Variants in DOCK6 observed in about 807,000 individuals in gnomAD.
DOCK6 encodes the protein dedicator of cytokinesis 6, also known as dedicator of cytokinesis protein 6.
Under a neutral mutation model 230.3 loss-of-function variants are expected in DOCK6, and 167 were observed. The observed-to-expected ratio is 0.73, with a 90% CI of 0.64 to 0.82. The LOEUF (loss-of-function observed/expected upper bound fraction) is 0.82. DOCK6 is among the 40% of genes least tolerant of loss of function. The probability of loss-of-function intolerance (pLI) is 0.00; values close to 1 mark genes in which losing one functional copy is unlikely to be tolerated. For missense variants in DOCK6, 2,598 were observed against 2,825.8 expected (o/e 0.92, Z 1.83); for synonymous variants, 1,148 against 1,185.0 (o/e 0.97, Z 0.64).
intron 37 of DOCK6, among the ~76,000 whole-genome samples, 182 bp downstream of exon 37, chr19:11,211,594 C>A (rs2079386526): frequency 3.3e-5 from 1 of 30,492 alleles, no homozygotes. Flanking sequence ...GCTGTCTGCT[C>A]ACCTGTCCCC....
At position 11,243,509 on chromosome 19, in the gene DOCK6, G is replaced by T; in HGVS notation, c.1258+48C>A. ...CCGTAGCCCCGCCCCAGGCCTGTCAGCACCACCCTTTAGCCCCGCCCCAAG... is the reference window on the plus strand; with the variant it reads ...CCGTAGCCCCGCCCCAGGCCTGTCATCACCACCCTTTAGCCCCGCCCCAAG... On this transcript the variant is annotated intron_variant, in intron 11 of 47. Coordinates refer to ENST00000294618, the MANE Select transcript of DOCK6 (RefSeq NM_020812.4). The surrounding 1 kb of genome is among the most constrained non-coding windows in gnomAD (Gnocchi z 6.3). 6.4e-7 allele frequency: 1 copy of T among 1,555,158 alleles called. No individual in the cohort carries two copies. The highest frequency in any genetic ancestry group is 8.7e-7 in the Non-Finnish European group (1 of 1,151,550).
chr19:11,201,906 C>T lies in DOCK6; in HGVS notation c.5671G>A (p.Val1891Met). The T allele has an allele frequency of 6.3e-7, 1 of 1,576,560 alleles. No homozygotes were observed. Among genetic ancestry groups the T allele is most frequent in the Non-Finnish European group, 8.6e-7 (1 of 1,161,374 alleles). ...AFPYIKTRIRVCHREETVLTP... is the reference protein window; with the variant it reads ...AFPYIKTRIRMCHREETVLTP... ...CCACCCACCTCCTCCCGGTGGCACA[C>T]ACGGATGCGAGTCTTGATGTAGGGG... Residue 1891 changes from valine to methionine, a missense_variant, in exon 44 of 48, where the codon GTG becomes ATG. Coordinates refer to ENST00000294618, the MANE Select transcript of DOCK6 (RefSeq NM_020812.4). The surrounding 1 kb of genome is among the most constrained non-coding windows in gnomAD (Gnocchi z 4.3).
At chr19:11,207,094 A>C (rs56034303) in intron 39 of DOCK6, among the ~76,000 whole-genome samples, 1 of 151,894 alleles carries the variant, frequency 6.6e-6, no homozygotes, top group South Asian at 2.1e-4. Context: ...TGGCTTCCCA[A>C]AGTGCTGGGA....
At chr19:11,231,675 C>A (rs1383063704) in intron 22 of DOCK6, among the ~76,000 whole-genome samples, 1 of 152,200 alleles carries the variant, frequency 6.6e-6, no homozygotes, top group Non-Finnish European at 1.5e-5. Context: ...AAGATGCATC[C>A]AATTGCTCAG....
intron 14 of DOCK6, chr19:11,238,785 G>A (rs2079892513): frequency 6.0e-6 from 1 of 167,994 alleles, no homozygotes; most frequent in South Asian, 1.5e-4. Context: ...CTTCCCCCAG[G>A]GGCAACTCTG....
intron 22 of DOCK6, among the ~76,000 whole-genome samples, chr19:11,229,648 G>A (rs1235188179): frequency 6.6e-6 from 1 of 151,992 alleles, no homozygotes; most frequent in African/African-American, 2.4e-5. Context: ...GAGTAGACGG[G>A]GCAGTGGAGG....
intron 37 of DOCK6, 77 bp downstream of exon 37, chr19:11,211,699 C>T (rs2079388936): frequency 5.1e-6 from 6 of 1,178,384 alleles, no homozygotes; most frequent in Non-Finnish European, 6.1e-6. Flanking sequence ...CCTCCTTAGA[C>T]ATCTACTCTC....
chr19:11,222,702 C>T lies in DOCK6; in HGVS notation c.3240+33G>A. 1 of 1,541,396 alleles carries T rather than the reference C, an allele frequency of 6.5e-7. No individual in the cohort carries two copies. The highest frequency in any genetic ancestry group is 8.8e-7 in the Non-Finnish European group (1 of 1,140,150). ...GGACTGAAGGTGAGAGGTTGTAGGTCAAAGAGAGGAGGCAGAAGTGAAGGC... is the reference window on the plus strand; with the variant it reads ...GGACTGAAGGTGAGAGGTTGTAGGTTAAAGAGAGGAGGCAGAAGTGAAGGC... On this transcript the variant is annotated intron_variant, in intron 26 of 47. Transcript: ENST00000294618. This position sits in a 1 kb window ranked among gnomAD's most constrained non-coding sequence, Gnocchi z 4.0.
intron 35 of DOCK6, among the ~76,000 whole-genome samples, chr19:11,212,461 C>G (rs755873135): frequency 1.3e-5 from 2 of 151,956 alleles, no homozygotes; most frequent in African/African-American, 2.4e-5. Flanking sequence ...ATGCTGGTCT[C>G]GAACTCCTGA....
In DOCK6 at chr19:11,233,208, T is replaced by C; in HGVS notation, c.2713A>G (p.Ser905Gly). The change falls in exon 22 of 48, where the codon AGC becomes GGC. Residue 905 changes from serine to glycine, a missense_variant. Physicochemically the swap from Ser to Gly is moderately conservative, Grantham distance 56. Coordinates refer to ENST00000294618, the MANE Select transcript of DOCK6 (RefSeq NM_020812.4). ...CAGGGCCCCCGTTGCCCTACCTTGCTGGCCAGGATGCGGGAAACCTCGTCA... is the reference window on the plus strand; with the variant it reads ...CAGGGCCCCCGTTGCCCTACCTTGCCGGCCAGGATGCGGGAAACCTCGTCA... ...VDDEVSRILA[S>G]KLLHEELALQ... is the part of the protein sequence containing the mutation. The C allele has an allele frequency of 1.2e-6, 2 of 1,613,234 alleles. No homozygotes were observed. The highest frequency in any genetic ancestry group is 1.3e-5 in the African/African-American group (1 of 75,044).
rs1377070000 is a variant in DOCK6 at position 11,202,732 on chromosome 19, G to T, written c.5236-23C>A. 7 of 1,612,516 alleles carry T rather than the reference G, an allele frequency of 4.3e-6. No individual in the cohort carries two copies. The South Asian group carries it at 7.7e-5, about 18-fold the overall frequency. On this transcript the variant is annotated intron_variant, in intron 41 of 47. Transcript: ENST00000294618. The surrounding 1 kb of genome is among the most constrained non-coding windows in gnomAD (Gnocchi z 5.3). ...GCGCTGGGGCTGTGAGAAAGGGTGT[G>T]GTTGTCCGGGAGGCCCCTGCTGGAG...
chr19:11,222,391 A>T lies in DOCK6; in HGVS notation c.3241-143T>A. On this transcript the variant is annotated intron_variant, in intron 26 of 47. Transcript: ENST00000294618. This position sits in a 1 kb window ranked among gnomAD's most constrained non-coding sequence, Gnocchi z 4.0. Reference sequence around the variant, plus strand: ...ACTGATGTTAAGTCATCTGGAGGTGACAGTGGGCATGGGTTTCAAGGCCAG... The same window carrying T: ...ACTGATGTTAAGTCATCTGGAGGTGTCAGTGGGCATGGGTTTCAAGGCCAG... The T allele has an allele frequency of 8.2e-7, 1 of 1,217,120 alleles. No homozygotes were observed. Among genetic ancestry groups the T allele is most frequent in the Non-Finnish European group, 1.1e-6 (1 of 883,078 alleles). 75.4% of individuals were successfully genotyped at this position (1,217,120 alleles called of 1,614,324 possible).
chr19:11,230,882 G>A (rs569894742), intron 22 of DOCK6, among the ~76,000 whole-genome samples: 50 of 152,032 alleles, frequency 3.3e-4, no homozygotes, highest in Non-Finnish European at 6.5e-4. Flanking sequence ...TAGGGGGTGA[G>A]GCTGCTCGCA....
chr19:11,251,993 G>A, intron 5 of DOCK6, 126 bp downstream of exon 5: 1 of 1,401,940 alleles, frequency 7.1e-7, no homozygotes, highest in Non-Finnish European at 9.8e-7. Flanking sequence ...TTTTACTCAT[G>A]GGGACTGATG....
At position 11,238,307 on chromosome 19, in the gene DOCK6, G is replaced by T; in HGVS notation, c.1644-3C>A. 1 of 1,600,760 alleles carries T rather than the reference G, an allele frequency of 6.2e-7. No homozygotes were observed. Among genetic ancestry groups the T allele is most frequent in the Non-Finnish European group, 8.5e-7 (1 of 1,174,188 alleles). On this transcript the variant is annotated splice_polypyrimidine_tract_variant and splice_region_variant and intron_variant, in intron 14 of 47. Transcript: ENST00000294618. ...GCGGGTACACGTACAGCAGGTTCCT[G>T]TGGGGGGCAGGATGGGGGTGTCAGA...
In DOCK6 at chr19:11,233,367, C is replaced by G; in HGVS notation, c.2555-1G>C. On this transcript the variant is annotated splice_acceptor_variant, in intron 21 of 47. Coordinates refer to ENST00000294618, the MANE Select transcript of DOCK6 (RefSeq NM_020812.4). LOFTEE classifies it high-confidence loss of function. ...GCCTGCACTGTCACTGGAGGGGCCC[C>G]TGAGGATGGAGTGAATAGGGTCAAC... 6.2e-7 allele frequency: 1 copy of G among 1,612,692 alleles called. No individual in the cohort carries two copies. The highest frequency in any genetic ancestry group is 1.3e-5 in the African/African-American group (1 of 75,020).
At chr19:11,209,998 C>T (rs2079346183) in intron 37 of DOCK6, among the ~76,000 whole-genome samples, 1 of 144,854 alleles carries the variant, frequency 6.9e-6, no homozygotes, top group Non-Finnish European at 1.5e-5. Flanking sequence ...CCTGCCCATC[C>T]CTCACCTGCC....
At position 11,208,976 on chromosome 19, in the gene DOCK6, C is replaced by T. The variant is rs781401035; in HGVS notation, c.4879G>A (p.Val1627Met). The T allele has an allele frequency of 3.1e-6, 5 of 1,606,390 alleles. No homozygotes were observed. Among genetic ancestry groups the T allele is most frequent in the South Asian group, 2.2e-5 (2 of 90,774 alleles). The change falls in exon 38 of 48, where the codon GTG (valine) becomes ATG (methionine). Residue 1627 changes from valine to methionine, a missense_variant. Coordinates refer to ENST00000294618, the MANE Select transcript of DOCK6 (RefSeq NM_020812.4). ...AQCMVHAAAL[V>M]AEYLALLEDH... Reference sequence around the variant, plus strand: ...TCGAGCAGGGCGAGGTACTCAGCCACGAGGGCGGCCGCGTGCACCATGCAC... The same window carrying T: ...TCGAGCAGGGCGAGGTACTCAGCCATGAGGGCGGCCGCGTGCACCATGCAC...
Position 11,200,642 on chromosome 19 carries a change from G to T in DOCK6, c.5939+74C>A. On this transcript the variant is annotated intron_variant, in intron 46 of 47. Coordinates refer to ENST00000294618, the MANE Select transcript of DOCK6 (RefSeq NM_020812.4). This position sits in a 1 kb window ranked among gnomAD's most constrained non-coding sequence, Gnocchi z 4.3. ...CGGGCAGATGGGGGAGCCATGCAGAGATCAGATGGGCAGAGAGCAGGCCTA... is the reference window on the plus strand; with the variant it reads ...CGGGCAGATGGGGGAGCCATGCAGATATCAGATGGGCAGAGAGCAGGCCTA... The T allele has an allele frequency of 6.6e-7, 1 of 1,510,258 alleles. No homozygotes were observed. Among genetic ancestry groups the T allele is most frequent in the South Asian group, 1.2e-5 (1 of 83,912 alleles). 93.6% of individuals were successfully genotyped at this position (1,510,258 alleles called of 1,614,324 possible).
Sources: allele counts gnomAD v4.1 joint callset (sites outside exome capture counted in the v4.1 genomes callset), GRCh38; gene constraint gnomAD v4.1.1; non-coding constraint Gnocchi (gnomAD v3.1); transcripts MANE v1.5; gene names NCBI Gene and HGNC (gene_info 2026-07-23, HGNC 2026-07-21).